DDX4: variants seen among roughly 807,000 people sequenced by gnomAD.
The protein encoded by DDX4 is probable ATP-dependent RNA helicase DDX4.
In DDX4, 25 loss-of-function variants were observed where a neutral mutation model predicts 100.0. The observed-to-expected ratio is 0.25, with a 90% CI of 0.18 to 0.35. The LOEUF is 0.35. Ranked by LOEUF, DDX4 falls within the 10% of genes least tolerant of loss-of-function variation. DDX4 has a pLI of 1.00. For synonymous variants in DDX4, 259 were observed against 275.7 expected (o/e 0.94, Z 0.60); for missense variants, 635 against 882.4 (o/e 0.72, Z 3.55).
intron 3 of DDX4, among the ~76,000 whole-genome samples, chr5:55,751,446 G>GCTGGT (rs1295635819): frequency 6.6e-6 from 1 of 152,170 alleles, no homozygotes; most frequent in Non-Finnish European, 1.5e-5. Context: ...TGTTGCCCAG[G>GCTGGT]CTGGTCTTGA....
At chr5:55,739,175 A>G (rs1758850130) in intron 2 of DDX4, 143 bp downstream of exon 2, 3 of 616,238 alleles carry the variant, frequency 4.9e-6, no homozygotes, top group Non-Finnish European at 8.5e-6. Context: ...GGGGAATAAG[A>G]GACAACCTAA....
intron 7 of DDX4, among the ~76,000 whole-genome samples, chr5:55,768,495 T>C (rs1041426557): frequency 6.6e-6 from 1 of 152,238 alleles, no homozygotes; most frequent in Non-Finnish European, 1.5e-5. Flanking sequence ...CCATGGCGCA[T>C]ATATACCACA....
At position 55,808,909 on chromosome 5, in the gene DDX4, C is replaced by G. The variant is rs529642696; in HGVS notation, c.1616-4764C>G. On this transcript the variant is annotated intron_variant, in intron 18 of 21. Transcript: ENST00000505374. ...CTTTTGTTTGTCTGTGCCCTGCCCC[C>G]AGAGGTGGAGTCTACAGAGGCAGGC... Among the ~76,000 whole-genome samples, 7 of 152,356 alleles carry G rather than the reference C, an allele frequency of 4.6e-5. No homozygotes were observed. In the South Asian group the frequency reaches 8.3e-4, roughly 18 times the overall value.
chr5:55,766,901 C>A, intron 6 of DDX4: 1 of 1,513,758 alleles, frequency 6.6e-7, no homozygotes, highest in Non-Finnish European at 8.8e-7. Context: ...TTCGAAAAAT[C>A]ATTCCTTTCA....
At chr5:55,743,065 G>T (rs775636435) in intron 2 of DDX4, among the ~76,000 whole-genome samples, 1 of 152,190 alleles carries the variant, frequency 6.6e-6, no homozygotes, top group Non-Finnish European at 1.5e-5. Context: ...TTAGTTTTCT[G>T]TGGCTGCTAT....
chr5:55,780,020 G>C lies in DDX4; in HGVS notation c.451G>C (p.Gly151Arg). The part of the protein sequence containing the change: ...ASGPYRRGGR[G>R]SFRGCRGGFG... ...AGGGCCATACAGAAGAGGTGGAAGA[G>C]GTAGTTTCCGAGGTTGCCGTGGAGG... The change falls in exon 8 of 22, where the codon GGT (glycine) becomes CGT (arginine). Residue 151 changes from glycine (G) to arginine (R), a missense_variant. Coordinates refer to ENST00000505374, the MANE Select transcript of DDX4 (RefSeq NM_024415.3). 6.2e-7 allele frequency: 1 copy of C among 1,613,962 alleles called. No individual in the cohort carries two copies. Among genetic ancestry groups the C allele is most frequent in the South Asian group, 1.1e-5 (1 of 91,054 alleles).
chr5:55,781,333 TTATTC>T (rs1741898592), intron 9 of DDX4, among the ~76,000 whole-genome samples, 187 bp downstream of exon 9: 2 of 152,164 alleles, frequency 1.3e-5, no homozygotes, highest in South Asian at 4.1e-4. Flanking sequence ...TGTGAATTAT[TTATTC>T]TGTGTTATCT....
intron 3 of DDX4, among the ~76,000 whole-genome samples, chr5:55,755,499 C>T (rs1561484244): frequency 1.3e-5 from 2 of 152,016 alleles, no homozygotes; most frequent in African/African-American, 4.8e-5. Flanking sequence ...TTACGTGACT[C>T]TTTTATTGTA....
Position 55,738,507 on chromosome 5 carries a change from G to GC in DDX4, c.-15+411dup, listed in dbSNP as rs545172331. Reference sequence around the variant, plus strand: ...AGTCGACTCCCGTACCCCTGTCCCCGCCCCCACGCACGCCACAAACACCCC... The same window carrying GC: ...AGTCGACTCCCGTACCCCTGTCCCCGCCCCCCACGCACGCCACAAACACCCC... On this transcript the variant is annotated intron_variant, in intron 1 of 21. Coordinates refer to ENST00000505374, the MANE Select transcript of DDX4 (RefSeq NM_024415.3). Among the ~76,000 whole-genome samples the GC allele has an allele frequency of 1.0e-3, 145 of 144,814 alleles. 1 individual carries two copies. Among genetic ancestry groups the GC allele is most frequent in the African/African-American group, 3.5e-3 (134 of 38,660 alleles).
In DDX4 at chr5:55,787,270, TG is replaced by T. The variant is rs372314693; in HGVS notation, c.1018-575del. ...TAGAATTGTAGGGAAAAACAGGTAT[TG>T]TATAGCAGCTGATGAGAGTGTTAAA... On this transcript the variant is annotated intron_variant, in intron 14 of 21. Coordinates refer to ENST00000505374, the MANE Select transcript of DDX4 (RefSeq NM_024415.3). Among the ~76,000 whole-genome samples, 318 of 152,306 alleles carry T rather than the reference TG, an allele frequency of 2.1e-3. 1 individual carries two copies. The highest frequency in any genetic ancestry group is 7.3e-3 in the African/African-American group (305 of 41,574).
intron 14 of DDX4, 98 bp from the exon 15 acceptor site, chr5:55,787,748 A>C: frequency 7.8e-7 from 1 of 1,283,722 alleles, no homozygotes; most frequent in Non-Finnish European, 1.0e-6. Flanking sequence ...AGTAAGATGG[A>C]AGTAGAGTCT....
chr5:55,790,273 T>G (rs1460752005), intron 15 of DDX4, among the ~76,000 whole-genome samples: 1 of 150,936 alleles, frequency 6.6e-6, no homozygotes, highest in African/African-American at 2.4e-5. Flanking sequence ...GCCACCTGAG[T>G]AGCTGGGATT....
rs745635482 is a variant in DDX4 at position 55,792,647 on chromosome 5, C to T, written c.1309C>T (p.Leu437Phe). ...MDIIGKEKIG[L>F]KQIKYLVLDE... ...TTTGAAAATATCCTTAAAGATTGGT[C>T]TCAAACAGATCAAATACTTAGTTTT... Residue 437 changes from leucine to phenylalanine, a missense_variant, in exon 17 of 22, where the codon CTC becomes TTC. By Grantham distance (22) the Leu-to-Phe change is conservative (BLOSUM62 0). Around this residue, in one of 4 missense-constraint regions of DDX4, gnomAD observed 446 missense variants for 540.8 expected, o/e 0.82. Coordinates refer to ENST00000505374, the MANE Select transcript of DDX4 (RefSeq NM_024415.3). The T allele has an allele frequency of 2.5e-6, 4 of 1,568,892 alleles. No homozygotes were observed.
At chr5:55,802,017 T>C (rs1743347913) in intron 18 of DDX4, among the ~76,000 whole-genome samples, 1 of 152,198 alleles carries the variant, frequency 6.6e-6, no homozygotes, top group African/African-American at 2.4e-5. Context: ...GGTCAGCTTA[T>C]ATGGGAGGTC....
chr5:55,757,318 G>T (rs1218305117), intron 3 of DDX4, among the ~76,000 whole-genome samples: 1 of 152,116 alleles, frequency 6.6e-6, no homozygotes, highest in East Asian at 1.9e-4. Context: ...TTATGCCTTT[G>T]CATCCTCATA....
chr5:55,809,805 G>T (rs138710492), intron 18 of DDX4, among the ~76,000 whole-genome samples: 34 of 152,346 alleles, frequency 2.2e-4, no homozygotes, highest in Non-Finnish European at 5.0e-4. Context: ...GAAGATGTTA[G>T]ATTCAAGTTA....
intron 17 of DDX4, among the ~76,000 whole-genome samples, chr5:55,796,213 C>G (rs967379449): frequency 6.6e-6 from 1 of 152,206 alleles, no homozygotes; most frequent in Non-Finnish European, 1.5e-5. Flanking sequence ...CCTTCTTCTC[C>G]CAGTCTACCA....
intron 18 of DDX4, among the ~76,000 whole-genome samples, chr5:55,811,948 T>C (rs868296487): frequency 8.5e-5 from 13 of 152,268 alleles, no homozygotes; most frequent in African/African-American, 2.9e-4. Flanking sequence ...CAAACCCAAG[T>C]AGAGTAAGTG....
intron 2 of DDX4, among the ~76,000 whole-genome samples, chr5:55,743,004 A>G (rs1240297685): frequency 2.6e-5 from 4 of 152,138 alleles, no homozygotes; most frequent in Non-Finnish European, 4.4e-5. Context: ...AACCTTTGAG[A>G]AGGAGGAGGG....
Sources: allele counts gnomAD v4.1 joint callset (sites outside exome capture counted in the v4.1 genomes callset), GRCh38; gene constraint gnomAD v4.1.1; regional missense constraint gnomAD v4.1.1; transcripts MANE v1.5; gene names NCBI Gene and HGNC (gene_info 2026-07-23, HGNC 2026-07-21).